The following TTLL9 variants were observed in gnomAD, a reference collection of about 807,000 sequenced individuals.
TTLL9 encodes tubulin tyrosine ligase like 9, also known as probable tubulin polyglutamylase TTLL9.
In TTLL9, 47 loss-of-function variants were observed where a neutral mutation model predicts 65.6. The observed-to-expected ratio is 0.72, with a 90% CI of 0.57 to 0.91. The LOEUF (loss-of-function observed/expected upper bound fraction) is 0.91. Among genes scored for constraint, TTLL9 ranks in the 40% least tolerant of loss-of-function variants. The probability of loss-of-function intolerance (pLI) is 0.00; values close to 1 mark genes in which losing one functional copy is unlikely to be tolerated. For missense variants in TTLL9, 537 were observed against 568.8 expected (o/e 0.94, Z 0.57); for synonymous variants, 179 against 204.8 (o/e 0.87, Z 1.07).
At position 31,873,529 on chromosome 20, in the gene TTLL9, C is replaced by T. The variant is rs147275019; in HGVS notation, c.69+2334C>T. ...AAAAAATTAGCCGGGTGTGGTGGCA[C>T]GAACCTGTAGTCCCAGCTACTTGGA... On this transcript the variant is annotated intron_variant, in intron 2 of 14. Coordinates refer to ENST00000535842, the MANE Select transcript of TTLL9 (RefSeq NM_001008409.5). Among the ~76,000 whole-genome samples the T allele has an allele frequency of 6.6e-3, 1,002 of 151,606 alleles. 1 individual carries two copies. The highest frequency in any genetic ancestry group is 0.014 in the Middle Eastern group (4 of 294).
At chr20:31,875,713 T>C (rs937756179) in intron 2 of TTLL9, among the ~76,000 whole-genome samples, 6 of 152,236 alleles carry the variant, frequency 3.9e-5, no homozygotes, top group Non-Finnish European at 7.3e-5. Flanking sequence ...GTGTTTTTCA[T>C]TGGGGAAAAA....
chr20:31,870,914 C>G lies in TTLL9; in HGVS notation c.-41C>G, dbSNP rs2062915962. ...GGGGCTGGACTTTGATCGCCGAGGG[C>G]TCTCTGCTCTTCAGAGTCTGCTTGG... is the stretch of plus-strand genomic sequence containing the variant. On this transcript the variant is annotated 5_prime_UTR_variant, in exon 1 of 15. Coordinates refer to ENST00000535842, the MANE Select transcript of TTLL9 (RefSeq NM_001008409.5). This position sits in a 1 kb window ranked among gnomAD's most constrained non-coding sequence, Gnocchi z 6.6. 2 of 594,532 alleles carry G rather than the reference C, an allele frequency of 3.4e-6. No homozygotes were observed. Among genetic ancestry groups the G allele is most frequent in the Non-Finnish European group, 6.0e-6 (2 of 333,020 alleles). 36.8% of individuals were successfully genotyped at this position (594,532 alleles called of 1,614,324 possible).
intron 10 of TTLL9, among the ~76,000 whole-genome samples, chr20:31,933,225 A>G (rs2064050602): frequency 6.6e-6 from 1 of 152,150 alleles, no homozygotes; most frequent in South Asian, 2.1e-4. Flanking sequence ...TGGTGATGGT[A>G]CTGAGAGGCC....
intron 7 of TTLL9, among the ~76,000 whole-genome samples, chr20:31,922,206 A>G (rs1463486464): frequency 6.6e-6 from 1 of 152,018 alleles, no homozygotes; most frequent in Admixed American, 6.6e-5. Context: ...TGGAGGTTGC[A>G]GTGAGCCAAG....
intron 2 of TTLL9, among the ~76,000 whole-genome samples, chr20:31,886,887 G>A (rs191101729): frequency 6.6e-6 from 1 of 152,304 alleles, no homozygotes; most frequent in Non-Finnish European, 1.5e-5. Context: ...TTTCAAAACT[G>A]GGGTTCAGGG....
At chr20:31,939,320 C>T in intron 14 of TTLL9, 54 bp downstream of exon 14, 1 of 1,598,616 alleles carries the variant, frequency 6.3e-7, no homozygotes, top group Non-Finnish European at 8.5e-7. Flanking sequence ...TGGGAGGTAC[C>T]AGGTAGTCTA....
intron 4 of TTLL9, among the ~76,000 whole-genome samples, chr20:31,907,934 G>A (rs943353159): frequency 6.6e-6 from 1 of 151,962 alleles, no homozygotes; most frequent in African/African-American, 2.4e-5. Flanking sequence ...CCTCCTCCCC[G>A]CACCCCAGCT....
intron 3 of TTLL9, among the ~76,000 whole-genome samples, chr20:31,892,970 A>T (rs1555811900): frequency 2.0e-5 from 3 of 150,810 alleles, no homozygotes; most frequent in Non-Finnish European, 4.4e-5. Context: ...AGCTACTTGA[A>T]TTTTTTTTTT....
chr20:31,922,821 A>G, intron 7 of TTLL9, 142 bp from the exon 8 acceptor site: 2 of 618,678 alleles, frequency 3.2e-6, no homozygotes, highest in Non-Finnish European at 5.6e-6. Context: ...CTAATCTGTG[A>G]AATGGAAATA....
Position 31,908,651 on chromosome 20 carries a change from C to T in TTLL9, c.267C>T (p.His89=), listed in dbSNP as rs769458901. 3.1e-6 allele frequency: 5 copies of T among 1,614,052 alleles called. No homozygotes were observed. Among genetic ancestry groups the T allele is most frequent in the African/African-American group, 1.3e-5 (1 of 74,918 alleles). ...DVSWLRENFD[H]TYMDEHVRIS... ...GCTGGCTCCGGGAGAACTTCGACCA[C>T]ACCTACATGGATGAACATGTGCGGA... is the stretch of plus-strand genomic sequence containing the variant. Residue 89 remains histidine, a synonymous_variant, in exon 5 of 15, where the codon CAC becomes CAT. Transcript: ENST00000535842.
intron 2 of TTLL9, among the ~76,000 whole-genome samples, chr20:31,873,805 GAAGGAAGGAAGGAAGGAAGA>G (rs2062988567): frequency 4.3e-5 from 3 of 69,794 alleles, no homozygotes; most frequent in African/African-American, 1.7e-4. Flanking sequence ...AGGAAGGAAG[GAAGGAAGGAAGGAAGGAAGA>G]AAGAAAGAAA....
At chr20:31,880,220 C>T (rs1382108831) in intron 2 of TTLL9, among the ~76,000 whole-genome samples, 1 of 152,154 alleles carries the variant, frequency 6.6e-6, no homozygotes, top group African/African-American at 2.4e-5. Flanking sequence ...AGTTGAACCT[C>T]AGAATTTCAG....
rs766892353 is a variant in TTLL9 at position 31,871,113 on chromosome 20, G to T, written c.-5-9G>T. On this transcript the variant is annotated splice_polypyrimidine_tract_variant and intron_variant, in intron 1 of 14. Coordinates refer to ENST00000535842, the MANE Select transcript of TTLL9 (RefSeq NM_001008409.5). ...CTCACTCCTTCCTTCCATCCATTTCGGCCCCTAGGAGGGATGGTGCCATCC... is the reference window on the plus strand; with the variant it reads ...CTCACTCCTTCCTTCCATCCATTTCTGCCCCTAGGAGGGATGGTGCCATCC... The T allele has an allele frequency of 4.2e-5, 67 of 1,613,094 alleles. 1 individual carries two copies. Among genetic ancestry groups the T allele is most frequent in the Non-Finnish European group, 9.3e-6 (11 of 1,179,592 alleles).
At chr20:31,930,443 AC>A (rs1342472866) in intron 10 of TTLL9, among the ~76,000 whole-genome samples, 3 of 152,152 alleles carry the variant, frequency 2.0e-5, no homozygotes, top group African/African-American at 7.2e-5. Context: ...ATCTTCTATT[AC>A]TAGGAACTTT....
At chr20:31,915,305 C>G (rs2063717378) in intron 6 of TTLL9, among the ~76,000 whole-genome samples, 1 of 152,058 alleles carries the variant, frequency 6.6e-6, no homozygotes, top group Non-Finnish European at 1.5e-5. Flanking sequence ...CATGGTGAAA[C>G]CCTGTCTGTA....
chr20:31,907,052 C>T (rs1189642175), intron 4 of TTLL9, among the ~76,000 whole-genome samples: 2 of 152,072 alleles, frequency 1.3e-5, no homozygotes, highest in South Asian at 2.1e-4. Context: ...TCAAAAGGAT[C>T]GATCTCCAGA....
chr20:31,924,454 C>A (rs1375282683), intron 8 of TTLL9, among the ~76,000 whole-genome samples: 1 of 152,190 alleles, frequency 6.6e-6, no homozygotes, highest in Admixed American at 6.5e-5. Flanking sequence ...TGGGCAGGCA[C>A]CTTGTCTCCA....
intron 10 of TTLL9, among the ~76,000 whole-genome samples, chr20:31,930,371 C>T (rs6119740): frequency 3.3e-5 from 5 of 152,090 alleles, no homozygotes; most frequent in Non-Finnish European, 5.9e-5. Context: ...AGAATTTTGC[C>T]TTAGAATTAG....
Position 31,887,198 on chromosome 20 carries a change from C to A in TTLL9, c.72C>A (p.Asn24Lys). 6.2e-7 allele frequency: 1 copy of A among 1,614,104 alleles called. No homozygotes were observed. Among genetic ancestry groups the A allele is most frequent in the African/African-American group, 1.3e-5 (1 of 75,044 alleles). Residue 24 changes from asparagine to lysine, a missense_variant and splice_region_variant, in exon 3 of 15, where the codon AAC becomes AAA. This residue lies in a region of TTLL9 where 320 missense variants were observed against 311.0 expected (regional missense o/e 1.03). Coordinates refer to ENST00000535842, the MANE Select transcript of TTLL9 (RefSeq NM_001008409.5). Reference protein sequence around the residue: ...TAIRCPKKLQNQNYKGHGLSK... With the variant: ...TAIRCPKKLQKQNYKGHGLSK... ...TCCTTTTCCTTTCCTCATTGCAGAA[C>A]CAAAATTACAAGGGCCATGGATTGT...
Sources: gnomAD v4.1 joint callset for allele counts (sites outside exome capture counted in the v4.1 genomes callset) on GRCh38, gnomAD v4.1.1 for gene constraint, gnomAD v4.1.1 regional missense constraint, Gnocchi (gnomAD v3.1) non-coding constraint, MANE v1.5 for transcripts, NCBI Gene and HGNC (gene_info 2026-07-23, HGNC 2026-07-21) for gene names.